Variants in HIVEP2 observed in about 807,000 individuals in gnomAD.
HIVEP2 encodes HIVEP zinc finger 2, also known as transcription factor HIVEP2.
In HIVEP2, 14 loss-of-function variants were observed where a neutral mutation model predicts 180.7. That is an observed-to-expected ratio of 0.08 (90% CI 0.05 to 0.12). HIVEP2 has a LOEUF of 0.12. HIVEP2 is among the 10% of genes least tolerant of loss of function. The probability of loss-of-function intolerance (pLI) is 1.00; values close to 1 mark genes in which losing one functional copy is unlikely to be tolerated. For synonymous variants in HIVEP2, 1,184 were observed against 1,136.4 expected, an observed-to-expected ratio of 1.04 and a Z score of -0.84; for missense variants, 2,579 against 3,008.5, an observed-to-expected ratio of 0.86 and a Z score of 3.34.
intron 1 of HIVEP2, among the ~76,000 whole-genome samples, chr6:142,844,865 C>G (rs1314946650): frequency 1.3e-5 from 2 of 152,120 alleles, no homozygotes; most frequent in Non-Finnish European, 2.9e-5. Context: ...GTTACAAAAA[C>G]AATAAACACA....
chr6:142,871,177 A>C (rs1405884691), intron 1 of HIVEP2, among the ~76,000 whole-genome samples: 1 of 152,208 alleles, frequency 6.6e-6, no homozygotes, highest in East Asian at 1.9e-4. Context: ...GAGATGATGC[A>C]ATCAATGAAT....
rs753520492 is a variant in HIVEP2 at position 142,760,176 on chromosome 6, C to A, written c.6112G>T (p.Asp2038Tyr). Residue 2038 changes from aspartate to tyrosine, a missense_variant, in exon 9 of 10, where the codon GAC becomes TAC. Asp to Tyr is a radical substitution (Grantham distance 160, BLOSUM62 -3). This residue lies in a region of HIVEP2 where 660 missense variants were observed against 731.7 expected (regional missense o/e 0.90). Coordinates refer to ENST00000367603, the MANE Select transcript of HIVEP2 (RefSeq NM_006734.4). ...GAATGGTGGCTTGAGGGTGAGAAGTCCCTGGGAGAGGAGCTTGGCTCTGAA... is the reference window on the plus strand; with the variant it reads ...GAATGGTGGCTTGAGGGTGAGAAGTACCTGGGAGAGGAGCTTGGCTCTGAA... ...LPSEPSSSPR[D>Y]FSPSSHHSSP... is the part of the protein sequence containing the mutation. 9.3e-6 allele frequency: 15 copies of A among 1,614,064 alleles called. No homozygotes were observed. In the South Asian group the frequency reaches 1.6e-4, roughly 18 times the overall value.
At chr6:142,822,194 G>C (rs1777060264) in intron 2 of HIVEP2, among the ~76,000 whole-genome samples, 1 of 152,140 alleles carries the variant, frequency 6.6e-6, no homozygotes, top group African/African-American at 2.4e-5. Flanking sequence ...CAGACCTTTT[G>C]AGTCTTTTGG....
At chr6:142,921,054 T>C (rs1459036865) in intron 1 of HIVEP2, among the ~76,000 whole-genome samples, 2 of 152,152 alleles carry the variant, frequency 1.3e-5, no homozygotes, top group East Asian at 1.9e-4. Context: ...AGCAAAAGTA[T>C]ACAGAGCTAC....
intron 1 of HIVEP2, among the ~76,000 whole-genome samples, chr6:142,868,659 A>G (rs1430505475): frequency 1.3e-5 from 2 of 152,176 alleles, no homozygotes; most frequent in Non-Finnish European, 2.9e-5. Flanking sequence ...TACTACTTCC[A>G]TCTTTGAAAG....
chr6:142,861,934 G>A (rs1187095279), intron 1 of HIVEP2, among the ~76,000 whole-genome samples: 3 of 152,120 alleles, frequency 2.0e-5, no homozygotes, highest in African/African-American at 7.2e-5. Context: ...GAAGATGGGG[G>A]AAATAGCTTG....
chr6:142,864,757 A>T (rs1776093628), intron 1 of HIVEP2, among the ~76,000 whole-genome samples: 1 of 152,182 alleles, frequency 6.6e-6, no homozygotes, highest in Non-Finnish European at 1.5e-5. Flanking sequence ...GGGTAGGAAA[A>T]ATTCACTGCA....
At position 142,780,301 on chromosome 6, in the gene HIVEP2, C is replaced by A. The variant is rs867952417; in HGVS notation, c.-433+3220G>T. Among the ~76,000 whole-genome samples, 8 of 152,288 alleles carry A rather than the reference C, an allele frequency of 5.3e-5. No homozygotes were observed. In the Middle Eastern group the frequency reaches 0.01, roughly 194 times the overall value. On this transcript the variant is annotated intron_variant, in intron 3 of 9. Coordinates refer to ENST00000367603, the MANE Select transcript of HIVEP2 (RefSeq NM_006734.4). The stretch of plus-strand genomic sequence containing the variant: ...CCATCTTTGTGCCTAAGCTGGAGGT[C>A]CCAGCACTACAGGGACCCCTCCTCT...
At chr6:142,891,048 T>A (rs1202890070) in intron 1 of HIVEP2, among the ~76,000 whole-genome samples, 1 of 152,244 alleles carries the variant, frequency 6.6e-6, no homozygotes, top group Non-Finnish European at 1.5e-5. Context: ...AGATAGGGTC[T>A]GCAGTTTTCA....
Position 142,753,393 on chromosome 6 carries a change from G to T in HIVEP2, c.7055C>A (p.Ala2352Glu), listed in dbSNP as rs1322890643. 1.9e-6 allele frequency: 3 copies of T among 1,613,788 alleles called. No homozygotes were observed. Among genetic ancestry groups the T allele is most frequent in the African/African-American group, 2.7e-5 (2 of 74,914 alleles). The change falls in exon 10 of 10, where the codon GCG (alanine) becomes GAG (glutamate). Residue 2352 changes from alanine to glutamate, a missense_variant. By Grantham distance (107) the Ala-to-Glu change is moderately radical (BLOSUM62 -1). Transcript: ENST00000367603. ...EAALLGPDQP[A>E]RVQEPHQNPL... ...GTTCTGGTGGGGCTCCTGCACCCGCGCTGGCTGATCTGGCCCGAGCAGAGC... is the reference window on the plus strand; with the variant it reads ...GTTCTGGTGGGGCTCCTGCACCCGCTCTGGCTGATCTGGCCCGAGCAGAGC...
chr6:142,756,238 G>A (rs950673582), intron 9 of HIVEP2, among the ~76,000 whole-genome samples: 1 of 152,176 alleles, frequency 6.6e-6, no homozygotes, highest in Non-Finnish European at 1.5e-5. Flanking sequence ...CAAATGATGA[G>A]AGGGAGGTAG....
chr6:142,807,752 A>G (rs1211818683), intron 2 of HIVEP2, among the ~76,000 whole-genome samples: 1 of 152,070 alleles, frequency 6.6e-6, no homozygotes, highest in African/African-American at 2.4e-5. Flanking sequence ...AGTCAAAGTG[A>G]CTCCAAAGAG....
At chr6:142,913,283 G>A (rs1452995220) in intron 1 of HIVEP2, among the ~76,000 whole-genome samples, 1 of 152,170 alleles carries the variant, frequency 6.6e-6, no homozygotes, top group African/African-American at 2.4e-5. Context: ...TCTGAAACAC[G>A]AAAAACGTAC....
intron 1 of HIVEP2, among the ~76,000 whole-genome samples, chr6:142,942,782 G>A (rs1039295359): frequency 6.6e-6 from 1 of 152,012 alleles, no homozygotes; most frequent in Admixed American, 6.6e-5. Flanking sequence ...ATTTACTCTT[G>A]AATACCCTTG....
At chr6:142,863,103 A>G (rs879905280) in intron 1 of HIVEP2, among the ~76,000 whole-genome samples, 5 of 145,454 alleles carry the variant, frequency 3.4e-5, no homozygotes, top group African/African-American at 1.3e-4. Flanking sequence ...CATATAATAA[A>G]TATATTACAT....
chr6:142,774,388 C>T lies in HIVEP2; in HGVS notation c.351G>A (p.Gln117=), dbSNP rs1562510062. The T allele has an allele frequency of 2.5e-6, 4 of 1,614,058 alleles. No individual in the cohort carries two copies. The highest frequency in any genetic ancestry group is 3.4e-6 in the Non-Finnish European group (4 of 1,180,042). The change falls in exon 5 of 10, where the codon CAG becomes CAA. Residue 117 remains glutamine (Q), a synonymous_variant. Coordinates refer to ENST00000367603, the MANE Select transcript of HIVEP2 (RefSeq NM_006734.4). This position sits in a 1 kb window ranked among gnomAD's most constrained non-coding sequence, Gnocchi z 5.1. Reference sequence around the variant, plus strand: ...AAAGCCACGGAGGACCTTCGAGGCTCTGATGTGGCTTGGTGCTGTGCATGA... The same window carrying T: ...AAAGCCACGGAGGACCTTCGAGGCTTTGATGTGGCTTGGTGCTGTGCATGA... ...QGVMHSTKPH[Q]SLEGPPWLFP...
intron 1 of HIVEP2, among the ~76,000 whole-genome samples, chr6:142,902,282 A>G (rs1220935579): frequency 1.1e-4 from 16 of 152,090 alleles, no homozygotes; most frequent in Admixed American, 1.0e-3. Context: ...TTCCTAACAT[A>G]ATGTGATGAG....
chr6:142,791,706 A>T (rs1003674448), intron 2 of HIVEP2, among the ~76,000 whole-genome samples: 2 of 152,210 alleles, frequency 1.3e-5, no homozygotes, highest in Admixed American at 6.5e-5. Flanking sequence ...TTGAATCCAG[A>T]TATTACTGCC....
intron 8 of HIVEP2, among the ~76,000 whole-genome samples, chr6:142,761,118 C>G (rs1007854697): frequency 2.6e-5 from 4 of 152,192 alleles, no homozygotes; most frequent in African/African-American, 9.6e-5. Flanking sequence ...TTCTTCTTAA[C>G]TTGAATAATA....
Sources: gnomAD v4.1 joint callset for allele counts (sites outside exome capture counted in the v4.1 genomes callset) on GRCh38, gnomAD v4.1.1 for gene constraint, gnomAD v4.1.1 regional missense constraint, Gnocchi (gnomAD v3.1) non-coding constraint, MANE v1.5 for transcripts, NCBI Gene and HGNC (gene_info 2026-07-23, HGNC 2026-07-21) for gene names.